The following ATG4B variants were observed in gnomAD, a reference collection of about 807,000 sequenced individuals.
The protein encoded by ATG4B is autophagy related 4B cysteine peptidase.
A neutral mutation model predicts 56.6 loss-of-function variants in ATG4B; 29 were observed. That is an observed-to-expected ratio of 0.51 (90% CI 0.38 to 0.70). The LOEUF is 0.70. Ranked by LOEUF, ATG4B falls within the 30% of genes least tolerant of loss-of-function variation. The pLI is 0.00. For synonymous variants in ATG4B, 224 were observed against 206.1 expected (o/e 1.09, Z -0.74); for missense variants, 461 against 515.5 (o/e 0.89, Z 1.02).
At chr2:241,670,134 C>G (rs185220541) in intron 10 of ATG4B, among the ~76,000 whole-genome samples, 1 of 152,200 alleles carries the variant, frequency 6.6e-6, no homozygotes, top group African/African-American at 2.4e-5. Context: ...CTTCTCCCCC[C>G]ATTTCGTTTC....
chr2:241,654,411 ACT>A lies in ATG4B; in HGVS notation c.284-132_284-131del, dbSNP rs1413696870. On this transcript the variant is annotated intron_variant, in intron 4 of 12. Coordinates refer to ENST00000404914, the MANE Select transcript of ATG4B (RefSeq NM_013325.5). ...ACTCCATCCTGGGTGAGAGAGCGAG[ACT>A]CTGTTTAAAAAAAAAAAAAAAAAAA... 16 of 638,068 alleles carry A rather than the reference ACT, an allele frequency of 2.5e-5. No individual in the cohort carries two copies. In the African/African-American group the frequency reaches 3.3e-4, roughly 13 times the overall value. 39.5% of individuals were successfully genotyped at this position (638,068 alleles called of 1,614,324 possible).
intron 11 of ATG4B, 86 bp downstream of exon 11, chr2:241,670,868 C>T: frequency 7.3e-7 from 1 of 1,369,482 alleles, no homozygotes; most frequent in Admixed American, 2.0e-5. Context: ...GGCCTGCGTC[C>T]AGGTCTCAGG....
Position 241,651,969 on chromosome 2 carries a change from C to T in ATG4B, c.184+634C>T. 1 of 1,303,964 alleles carries T rather than the reference C, an allele frequency of 7.7e-7. No individual in the cohort carries two copies. Among genetic ancestry groups the T allele is most frequent in the Non-Finnish European group, 1.0e-6 (1 of 988,758 alleles). The allele number at this position is 1,303,964 out of a possible 1,614,324, so 80.8% of individuals were successfully genotyped here. ...GCCTCTCACCGGCGGAGAACTGAGGCCGGAGGTGAGGGCCGGGCTGGCGTC... is the reference window on the plus strand; with the variant it reads ...GCCTCTCACCGGCGGAGAACTGAGGTCGGAGGTGAGGGCCGGGCTGGCGTC... On this transcript the variant is annotated intron_variant, in intron 3 of 12. Coordinates refer to ENST00000404914, the MANE Select transcript of ATG4B (RefSeq NM_013325.5). The surrounding 1 kb of genome is among the most constrained non-coding windows in gnomAD (Gnocchi z 4.1).
intron 1 of ATG4B, among the ~76,000 whole-genome samples, chr2:241,639,623 A>G (rs1467403035): frequency 6.6e-6 from 1 of 152,194 alleles, no homozygotes; most frequent in East Asian, 1.9e-4. Context: ...TTATTGAGTG[A>G]TGAAACACCC....
At chr2:241,667,122 G>A (rs539865248) in intron 8 of ATG4B, among the ~76,000 whole-genome samples, 1 of 152,292 alleles carries the variant, frequency 6.6e-6, no homozygotes, top group Non-Finnish European at 1.5e-5. Context: ...TCCTCGGCCT[G>A]ACGGGGAGCC....
chr2:241,643,076 G>A (rs28450347), intron 1 of ATG4B, among the ~76,000 whole-genome samples: 51,223 of 150,448 alleles, frequency 0.34, 9,016 homozygotes, highest in African/African-American at 0.42. Context: ...GTAGAGATGG[G>A]GTTTCACCAT....
rs1177508524 is a variant in ATG4B, at chr2:241,649,929, G to A, written c.11-1081G>A. On this transcript the variant is annotated intron_variant, in intron 1 of 12. Coordinates refer to ENST00000404914, the MANE Select transcript of ATG4B (RefSeq NM_013325.5). ...CTCCCTAGTAGCTGGGATTACAGGC[G>A]CCCGCCACCACGCCTGGCTAATTGT... Among the ~76,000 whole-genome samples, 8 of 151,872 alleles carry A rather than the reference G, an allele frequency of 5.3e-5. No individual in the cohort carries two copies. In the East Asian group the frequency reaches 7.7e-4, roughly 15 times the overall value.
At position 241,668,903 on chromosome 2, in the gene ATG4B, C is replaced by T. The variant is rs1354061071; in HGVS notation, c.957+218C>T. Reference sequence around the variant, plus strand: ...CCACCTCCTGTGCAGCCTTCATGGCCTTCGAGTGGCCCAGAGAGCGTGTGT... The same window carrying T: ...CCACCTCCTGTGCAGCCTTCATGGCTTTCGAGTGGCCCAGAGAGCGTGTGT... On this transcript the variant is annotated intron_variant, in intron 10 of 12. Coordinates refer to ENST00000404914, the MANE Select transcript of ATG4B (RefSeq NM_013325.5). The surrounding 1 kb of genome is among the most constrained non-coding windows in gnomAD (Gnocchi z 4.2). The T allele has an allele frequency of 3.1e-6, 2 of 639,336 alleles. No homozygotes were observed. Among genetic ancestry groups the T allele is most frequent in the African/African-American group, 3.7e-5 (2 of 54,350 alleles). 39.6% of individuals were successfully genotyped at this position (639,336 alleles called of 1,614,324 possible).
chr2:241,652,562 A>G (rs375461610), intron 3 of ATG4B, among the ~76,000 whole-genome samples: 161 of 152,222 alleles, frequency 1.1e-3, no homozygotes, highest in African/African-American at 3.4e-3. Context: ...GGGTTTCGCT[A>G]TGTTGCCCAG....
chr2:241,646,972 T>G (rs1471796866), intron 1 of ATG4B, among the ~76,000 whole-genome samples: 2 of 151,964 alleles, frequency 1.3e-5, no homozygotes, highest in Non-Finnish European at 2.9e-5. Context: ...TTAATAGAGA[T>G]GGGATTTCAC....
At chr2:241,664,257 T>C (rs1285512417) in intron 7 of ATG4B, among the ~76,000 whole-genome samples, 1 of 152,198 alleles carries the variant, frequency 6.6e-6, no homozygotes, top group Non-Finnish European at 1.5e-5. Flanking sequence ...GGCTAAGCAC[T>C]GTGGCTCCCG....
Position 241,672,279 on chromosome 2 carries a change from G to T in ATG4B, c.*15G>T. 1 of 1,561,670 alleles carries T rather than the reference G, an allele frequency of 6.4e-7. No individual in the cohort carries two copies. Among genetic ancestry groups the T allele is most frequent in the East Asian group, 2.4e-5 (1 of 42,058 alleles). ...TGTCCCTTTGAAAATCCTGGGGTCG[G>T]GGGTGGCACCTGTGAGAGCCTGGGG... On this transcript the variant is annotated 3_prime_UTR_variant, in exon 13 of 13. Transcript: ENST00000404914.
chr2:241,669,721 A>T (rs1253447980), intron 10 of ATG4B, among the ~76,000 whole-genome samples: 2 of 152,148 alleles, frequency 1.3e-5, no homozygotes, highest in African/African-American at 4.8e-5. Flanking sequence ...GTTAGCCAGG[A>T]TGGTCTTGAT....
chr2:241,671,725 G>T, intron 12 of ATG4B: 2 of 1,315,838 alleles, frequency 1.5e-6, no homozygotes, highest in Non-Finnish European at 2.0e-6. Context: ...GCAGTCCTGG[G>T]TGGGGGACTG....
intron 7 of ATG4B, among the ~76,000 whole-genome samples, chr2:241,663,863 G>A (rs1020783677): frequency 2.6e-5 from 4 of 151,006 alleles, no homozygotes; most frequent in Non-Finnish European, 5.9e-5. Context: ...CTGGAGTGCA[G>A]TGGTGGCACG....
At chr2:241,671,163 G>T in intron 11 of ATG4B, 149 bp from the exon 12 acceptor site, 1 of 722,212 alleles carries the variant, frequency 1.4e-6, no homozygotes, top group Non-Finnish European at 2.3e-6. Context: ...GGGTTCTCGT[G>T]TAGCCTTTAG....
intron 11 of ATG4B, among the ~76,000 whole-genome samples, 190 bp downstream of exon 11, chr2:241,670,972 A>C (rs2125150819): frequency 6.6e-6 from 1 of 152,330 alleles, no homozygotes; most frequent in Admixed American, 6.5e-5. Context: ...CTGGCAACAC[A>C]GTTAACAACC....
At chr2:241,661,318 T>C (rs1385458755) in intron 7 of ATG4B, among the ~76,000 whole-genome samples, 1 of 152,176 alleles carries the variant, frequency 6.6e-6, no homozygotes, top group Admixed American at 6.5e-5. Context: ...GGCACTGGCA[T>C]TGATGCACAA....
rs570874636 is a variant in ATG4B at position 241,666,946 on chromosome 2, G to A, written c.732+108G>A. 4.2e-5 allele frequency: 55 copies of A among 1,322,128 alleles called. No individual in the cohort carries two copies. The Admixed American group carries it at 5.9e-4, about 14-fold the overall frequency. 81.9% of individuals were successfully genotyped at this position (1,322,128 alleles called of 1,614,324 possible). A position where few individuals can be genotyped will look rare whatever the true frequency, so the allele number is the denominator to read the frequency against. Reference sequence around the variant, plus strand: ...GTGGCCATTTGTGCAGCCGGCTCTCGGGGGAGGGGTAAACAACCCTGGTTT... The same window carrying A: ...GTGGCCATTTGTGCAGCCGGCTCTCAGGGGAGGGGTAAACAACCCTGGTTT... On this transcript the variant is annotated intron_variant, in intron 8 of 12. Transcript: ENST00000404914.
Sources: gnomAD v4.1 joint callset for allele counts (sites outside exome capture counted in the v4.1 genomes callset) on GRCh38, gnomAD v4.1.1 for gene constraint, Gnocchi (gnomAD v3.1) non-coding constraint, MANE v1.5 for transcripts, NCBI Gene and HGNC (gene_info 2026-07-23, HGNC 2026-07-21) for gene names.